RAP1GAP2: variants seen among roughly 807,000 people sequenced by gnomAD.
The protein encoded by RAP1GAP2 is rap1 GTPase-activating protein 2.
A neutral mutation model predicts 95.0 loss-of-function variants in RAP1GAP2; 27 were observed. The observed-to-expected ratio is 0.28, with a 90% CI of 0.21 to 0.39. The LOEUF (loss-of-function observed/expected upper bound fraction) is 0.39, where lower values mean the gene tolerates loss of function less well. Ranked by LOEUF, RAP1GAP2 falls within the 10% of genes least tolerant of loss-of-function variation. The pLI, the probability that RAP1GAP2 is intolerant of heterozygous loss-of-function variation, is 1.00. For synonymous variants in RAP1GAP2, 373 were observed against 380.9 expected (o/e 0.98, Z 0.24); for missense variants, 771 against 970.0 (o/e 0.79, Z 2.72).
chr17:2,929,361 G>A (rs760047468), intron 3 of RAP1GAP2, among the ~76,000 whole-genome samples: 4 of 152,084 alleles, frequency 2.6e-5, no homozygotes, highest in Non-Finnish European at 4.4e-5. Context: ...CGATGAGTGA[G>A]GGCTGGAATC....
At chr17:2,842,547 A>T (rs1408664651) in intron 2 of RAP1GAP2, among the ~76,000 whole-genome samples, 1 of 59,152 alleles carries the variant, frequency 1.7e-5, no homozygotes, top group Non-Finnish European at 3.0e-5. Context: ...AAAAAAAAAA[A>T]AAAAATACCA....
upstream of RAP1GAP2, among the ~76,000 whole-genome samples, chr17:2,775,908 G>T (rs2068488245): frequency 6.6e-6 from 1 of 152,210 alleles, no homozygotes. Flanking sequence ...GCCGAGCGCG[G>T]TGGCTCATGC....
intron 8 of RAP1GAP2, among the ~76,000 whole-genome samples, chr17:2,979,297 C>A (rs990892467): frequency 6.6e-6 from 1 of 152,070 alleles, no homozygotes; most frequent in Non-Finnish European, 1.5e-5. Flanking sequence ...ACTAGGTTTT[C>A]TTTTCATAAA....
At chr17:3,015,266 C>T (rs979494150) in intron 17 of RAP1GAP2, among the ~76,000 whole-genome samples, 2 of 152,190 alleles carry the variant, frequency 1.3e-5, no homozygotes, top group Middle Eastern at 3.4e-3. Flanking sequence ...GATGCCCGAT[C>T]AAATCAGGGG....
At chr17:2,764,170 G>A (rs958546835) in intron 1 of RAP1GAP2, among the ~76,000 whole-genome samples, 2 of 152,162 alleles carry the variant, frequency 1.3e-5, no homozygotes, top group African/African-American at 2.4e-5. Context: ...AGTGGCTCAC[G>A]CCTGTAATCC....
At chr17:3,012,571 T>C (rs2046587573) in intron 17 of RAP1GAP2, among the ~76,000 whole-genome samples, 2 of 128,664 alleles carry the variant, frequency 1.6e-5, no homozygotes, top group Non-Finnish European at 3.1e-5. Context: ...TGAGCTGAGA[T>C]TGCGCCACTG....
chr17:2,891,499 C>A (rs1041154618), intron 2 of RAP1GAP2, among the ~76,000 whole-genome samples: 10 of 151,192 alleles, frequency 6.6e-5, no homozygotes, highest in Admixed American at 3.3e-4. Context: ...CCCCTCCCTA[C>A]CCTCCCCCAT....
intron 2 of RAP1GAP2, among the ~76,000 whole-genome samples, chr17:2,820,903 T>TTTTTTTG (rs1567678191): frequency 1.4e-5 from 2 of 145,868 alleles, no homozygotes; most frequent in African/African-American, 5.2e-5. Context: ...TTTTTTTTTT[T>TTTTTTTG]TTTTTTGTAT....
intron 3 of RAP1GAP2, among the ~76,000 whole-genome samples, chr17:2,916,201 C>T (rs572139525): frequency 1.8e-4 from 28 of 152,244 alleles, no homozygotes; most frequent in South Asian, 8.3e-4. Flanking sequence ...TAAGTGTACA[C>T]GTGTGTTTGT....
chr17:2,993,713 A>C (rs904776421), intron 12 of RAP1GAP2, among the ~76,000 whole-genome samples: 1 of 152,264 alleles, frequency 6.6e-6, no homozygotes, highest in South Asian at 2.1e-4. Flanking sequence ...AGATGCTATC[A>C]TTATAAGACA....
intron 1 of RAP1GAP2, among the ~76,000 whole-genome samples, chr17:2,770,018 A>C (rs2068356443): frequency 6.8e-6 from 1 of 147,630 alleles, no homozygotes. Flanking sequence ...GGTTGCAGTG[A>C]GCCAAAATCG....
chr17:3,011,615 T>TG (rs1261296660), intron 17 of RAP1GAP2, among the ~76,000 whole-genome samples: 1 of 148,736 alleles, frequency 6.7e-6, no homozygotes, highest in Admixed American at 6.7e-5. Flanking sequence ...CAAAGTTTTT[T>TG]TTTTTTTTTT....
At chr17:2,915,896 C>T (rs1482742908) in intron 3 of RAP1GAP2, among the ~76,000 whole-genome samples, 1 of 152,044 alleles carries the variant, frequency 6.6e-6, no homozygotes, top group Non-Finnish European at 1.5e-5. Flanking sequence ...AACGGGGTTT[C>T]ACCACGTTGG....
intron 2 of RAP1GAP2, among the ~76,000 whole-genome samples, chr17:2,864,737 G>A (rs951843391): frequency 2.6e-5 from 4 of 152,166 alleles, no homozygotes; most frequent in African/African-American, 9.7e-5. Flanking sequence ...GAGGGGTCCC[G>A]GCAGCCTAGC....
At chr17:2,973,336 C>G (rs192579621) in intron 8 of RAP1GAP2, among the ~76,000 whole-genome samples, 1 of 151,816 alleles carries the variant, frequency 6.6e-6, no homozygotes. Flanking sequence ...GCCAATGTGG[C>G]GAAACCCTGT....
At chr17:2,758,062 G>A (rs1303460872) in intron 1 of RAP1GAP2, among the ~76,000 whole-genome samples, 1 of 151,330 alleles carries the variant, frequency 6.6e-6, no homozygotes, top group Non-Finnish European at 1.5e-5. Flanking sequence ...GTAGAGACGG[G>A]GTTTCACCAT....
intron 3 of RAP1GAP2, among the ~76,000 whole-genome samples, chr17:2,924,279 C>T (rs575213108): frequency 3.3e-5 from 5 of 152,172 alleles, no homozygotes; most frequent in East Asian, 1.9e-4. Flanking sequence ...CTGCACCTCC[C>T]GATGCCTGGA....
chr17:2,996,610 C>T (rs2045967988), intron 13 of RAP1GAP2, among the ~76,000 whole-genome samples: 1 of 152,216 alleles, frequency 6.6e-6, no homozygotes, highest in East Asian at 1.9e-4. Context: ...CCTTTCACCT[C>T]CAGCCCCTCT....
intron 23 of RAP1GAP2, 104 bp downstream of exon 23, chr17:3,031,102 C>A: frequency 7.9e-7 from 1 of 1,270,156 alleles, no homozygotes; most frequent in Non-Finnish European, 1.1e-6. Context: ...AGGGGGCTCC[C>A]CGAAGGAGGC....
Sources: gnomAD v4.1 joint callset for allele counts (sites outside exome capture counted in the v4.1 genomes callset) on GRCh38, gnomAD v4.1.1 for gene constraint, MANE v1.5 for transcripts, NCBI Gene and HGNC (gene_info 2026-07-23, HGNC 2026-07-21) for gene names.